Variants in CDH20 observed in about 807,000 individuals in gnomAD.
CDH20 encodes cadherin 20.
Under a neutral mutation model 74.2 loss-of-function variants are expected in CDH20, and 29 were observed. The ratio of observed to expected loss-of-function variants is 0.39; its 90% CI spans 0.29 to 0.53. The LOEUF (loss-of-function observed/expected upper bound fraction) is 0.53, where lower values mean the gene tolerates loss of function less well. Ranked by LOEUF, CDH20 falls within the 20% of genes least tolerant of loss-of-function variation. The probability of loss-of-function intolerance (pLI) is 0.69; values close to 1 mark genes in which losing one functional copy is unlikely to be tolerated. For synonymous variants in CDH20, 469 were observed against 405.4 expected (o/e 1.16, Z -1.88); for missense variants, 988 against 1,048.3 (o/e 0.94, Z 0.79).
At chr18:61,344,064 T>G (rs1910039708) in intron 1 of CDH20, among the ~76,000 whole-genome samples, 1 of 152,178 alleles carries the variant, frequency 6.6e-6, no homozygotes, top group African/African-American at 2.4e-5. Context: ...GAACTCTTTC[T>G]TAGAGGCTAT....
At chr18:61,358,131 T>C (rs1316939836) in intron 1 of CDH20, among the ~76,000 whole-genome samples, 5 of 151,308 alleles carry the variant, frequency 3.3e-5, no homozygotes, top group Admixed American at 6.6e-5. Flanking sequence ...TTTTTTTTTT[T>C]CGAGATGGAG....
chr18:61,462,485 G>A (rs1783358537), intron 1 of CDH20, among the ~76,000 whole-genome samples: 1 of 151,992 alleles, frequency 6.6e-6, no homozygotes, highest in Non-Finnish European at 1.5e-5. Context: ...AGGTACTAGA[G>A]GTAAGGACTT....
intron 1 of CDH20, among the ~76,000 whole-genome samples, chr18:61,342,900 T>C (rs1909998940): frequency 6.6e-6 from 1 of 152,162 alleles, no homozygotes; most frequent in African/African-American, 2.4e-5. Flanking sequence ...CATGCCTTCA[T>C]TAAGATCAGG....
intron 1 of CDH20, among the ~76,000 whole-genome samples, chr18:61,411,056 A>C (rs972694536): frequency 6.6e-6 from 1 of 151,820 alleles, no homozygotes; most frequent in Admixed American, 6.6e-5. Flanking sequence ...AAAAATTAGC[A>C]GGGCGTGGTG....
chr18:61,363,420 T>C (rs1237140595), intron 1 of CDH20, among the ~76,000 whole-genome samples: 1 of 152,194 alleles, frequency 6.6e-6, no homozygotes, highest in Non-Finnish European at 1.5e-5. Context: ...CTTTCTATTA[T>C]AGCTAACTTA....
chr18:61,387,223 G>A (rs1233665913), intron 1 of CDH20, among the ~76,000 whole-genome samples: 1 of 152,164 alleles, frequency 6.6e-6, no homozygotes, highest in Non-Finnish European at 1.5e-5. Context: ...GGTCCTGATG[G>A]CAAGCACGCC....
At chr18:61,516,067 T>C (rs1390273932) in intron 6 of CDH20, among the ~76,000 whole-genome samples, 1 of 152,202 alleles carries the variant, frequency 6.6e-6, no homozygotes, top group Non-Finnish European at 1.5e-5. Flanking sequence ...CAACTACTGC[T>C]TAGAAAGATC....
intron 1 of CDH20, among the ~76,000 whole-genome samples, chr18:61,488,229 GT>G (rs1283077287): frequency 6.6e-6 from 1 of 152,146 alleles, no homozygotes; most frequent in African/African-American, 2.4e-5. Context: ...CAAGTGTTTG[GT>G]TATTACAGAA....
At chr18:61,392,370 A>G (rs1288709839) in intron 1 of CDH20, among the ~76,000 whole-genome samples, 1 of 152,046 alleles carries the variant, frequency 6.6e-6, no homozygotes, top group East Asian at 1.9e-4. Flanking sequence ...CCTTTTATAT[A>G]CAATCAGTAT....
chr18:61,480,871 C>T (rs1910566006), intron 1 of CDH20, among the ~76,000 whole-genome samples: 1 of 152,164 alleles, frequency 6.6e-6, no homozygotes, highest in Admixed American at 6.5e-5. Flanking sequence ...ACAAAAAAAG[C>T]ATTTGTGAAA....
intron 1 of CDH20, among the ~76,000 whole-genome samples, chr18:61,468,838 G>GT (rs1406417485): frequency 5.9e-5 from 9 of 152,152 alleles, no homozygotes; most frequent in Admixed American, 3.9e-4. Context: ...ATTTTGCTGT[G>GT]TTTCCTTAAA....
intron 9 of CDH20, among the ~76,000 whole-genome samples, chr18:61,544,367 G>A (rs1026336531): frequency 2.0e-4 from 31 of 152,216 alleles, no homozygotes; most frequent in African/African-American, 6.8e-4. Context: ...TAGCTCAATA[G>A]ACCCTCTGCC....
chr18:61,491,827 T>C (rs766759283), intron 2 of CDH20, among the ~76,000 whole-genome samples: 2 of 151,990 alleles, frequency 1.3e-5, no homozygotes, highest in South Asian at 2.1e-4. Context: ...GACCTGTCTC[T>C]CCTTGACTCA....
At chr18:61,392,053 A>C (rs1911803110) in intron 1 of CDH20, among the ~76,000 whole-genome samples, 1 of 151,980 alleles carries the variant, frequency 6.6e-6, no homozygotes, top group Admixed American at 6.6e-5. Flanking sequence ...CTCACTTAAA[A>C]ATTGTAATAG....
intron 1 of CDH20, among the ~76,000 whole-genome samples, chr18:61,413,614 G>A (rs879872604): frequency 1.2e-4 from 18 of 151,912 alleles, no homozygotes; most frequent in African/African-American, 1.2e-4. Context: ...ATCACACCAG[G>A]GTGAAAACAC....
At chr18:61,421,557 T>G (rs1242122216) in intron 1 of CDH20, among the ~76,000 whole-genome samples, 3 of 152,154 alleles carry the variant, frequency 2.0e-5, no homozygotes, top group Admixed American at 6.5e-5. Context: ...AAATATAAAC[T>G]ATCACCTGGT....
intron 1 of CDH20, among the ~76,000 whole-genome samples, chr18:61,414,862 G>T (rs541097266): frequency 1.3e-5 from 2 of 152,006 alleles, no homozygotes; most frequent in South Asian, 4.2e-4. Context: ...TTATTTTCAA[G>T]TGTTCAATTT....
chr18:61,470,227 A>C (rs1346273566), intron 1 of CDH20, among the ~76,000 whole-genome samples: 2 of 152,202 alleles, frequency 1.3e-5, no homozygotes, highest in African/African-American at 4.8e-5. Context: ...GTGTGATTAC[A>C]GGGTCGCATC....
intron 1 of CDH20, among the ~76,000 whole-genome samples, chr18:61,356,239 A>G (rs113528598): frequency 1.3e-5 from 2 of 152,340 alleles, no homozygotes; most frequent in African/African-American, 4.8e-5. Flanking sequence ...GATTTATTTC[A>G]TGGATCTTTG....
Sources: allele counts gnomAD v4.1 joint callset (sites outside exome capture counted in the v4.1 genomes callset), GRCh38; gene constraint gnomAD v4.1.1; transcripts MANE v1.5; gene names NCBI Gene and HGNC (gene_info 2026-07-23, HGNC 2026-07-21).